Variants in ASB5 observed in about 807,000 individuals in gnomAD.
ASB5 encodes ankyrin repeat and SOCS box protein 5.
A neutral mutation model predicts 42.1 loss-of-function variants in ASB5; 45 were observed. That is an observed-to-expected ratio of 1.07 (90% CI 0.84 to 1.37). ASB5 has a LOEUF of 1.37. Ranked by LOEUF, ASB5 falls within the 40% of genes most tolerant of loss-of-function variation. The pLI, the probability that ASB5 is intolerant of heterozygous loss-of-function variation, is 0.00. For synonymous variants in ASB5, 147 were observed against 150.6 expected, an observed-to-expected ratio of 0.98 and a Z score of 0.18; for missense variants, 402 against 399.8, an observed-to-expected ratio of 1.01 and a Z score of -0.05.
At chr4:176,260,340 G>A (rs1353631296) in intron 1 of ASB5, among the ~76,000 whole-genome samples, 2 of 152,118 alleles carry the variant, frequency 1.3e-5, no homozygotes, top group African/African-American at 4.8e-5. Context: ...CTATAAGACA[G>A]ATTTTTAAAA....
intron 5 of ASB5, among the ~76,000 whole-genome samples, chr4:176,220,586 A>G (rs1416526808): frequency 6.6e-6 from 1 of 152,142 alleles, no homozygotes; most frequent in East Asian, 1.9e-4. Flanking sequence ...TGGGTTAGGA[A>G]TGTTTTTCAG....
chr4:176,264,998 A>C (rs1754328980), intron 1 of ASB5, among the ~76,000 whole-genome samples: 1 of 152,064 alleles, frequency 6.6e-6, no homozygotes, highest in African/African-American at 2.4e-5. Flanking sequence ...TGGTCAACTT[A>C]TTTCAAATCT....
intron 1 of ASB5, chr4:176,241,316 T>C (rs1047875641): frequency 1.5e-6 from 1 of 678,306 alleles, no homozygotes; most frequent in Admixed American, 3.4e-5. Context: ...AATCTTTTTA[T>C]TTCTGAACGT....
chr4:176,235,690 T>A (rs943521346), intron 1 of ASB5, among the ~76,000 whole-genome samples: 1 of 152,136 alleles, frequency 6.6e-6, no homozygotes, highest in Non-Finnish European at 1.5e-5. Context: ...TTTTGACACA[T>A]ACCATCAAAT....
intron 1 of ASB5, among the ~76,000 whole-genome samples, chr4:176,276,162 C>T (rs957293419): frequency 2.6e-5 from 4 of 152,186 alleles, no homozygotes; most frequent in African/African-American, 9.7e-5. Context: ...GTATCTACTT[C>T]ACATGTTGGG....
chr4:176,257,333 C>T (rs11133138), intron 1 of ASB5, among the ~76,000 whole-genome samples: 355 of 152,170 alleles, frequency 2.3e-3, no homozygotes, highest in African/African-American at 8.0e-3. Flanking sequence ...TGACCAAATG[C>T]GCCCAGGAAA....
chr4:176,222,944 A>AT (rs34945087), intron 2 of ASB5, among the ~76,000 whole-genome samples: 77,783 of 151,234 alleles, frequency 0.51, 20,081 homozygotes, highest in East Asian at 0.57. Context: ...GGCCGGGCTA[A>AT]TTTTTTTGTA....
chr4:176,219,182 T>C lies in ASB5; in HGVS notation c.670+1973A>G, dbSNP rs1210446471. Among the ~76,000 whole-genome samples the C allele has an allele frequency of 1.6e-5, 2 of 121,706 alleles. 1 individual carries two copies. The highest frequency in any genetic ancestry group is 6.6e-5 in the African/African-American group (2 of 30,112). The allele number at this position is 121,706 out of a possible 152,430, so 79.8% of individuals were successfully genotyped here. Reference sequence around the variant, plus strand: ...TATGACATATAAATATATATTTGTATGACATATAAATATATATATTTGTAT... The same window carrying C: ...TATGACATATAAATATATATTTGTACGACATATAAATATATATATTTGTAT... On this transcript the variant is annotated intron_variant, in intron 5 of 6. Coordinates refer to ENST00000296525, the MANE Select transcript of ASB5 (RefSeq NM_080874.4).
At chr4:176,228,187 G>A (rs1753431387) in intron 1 of ASB5, among the ~76,000 whole-genome samples, 1 of 152,102 alleles carries the variant, frequency 6.6e-6, no homozygotes, top group Admixed American at 6.6e-5. Flanking sequence ...TAGATAGTCA[G>A]GGAATTTCTA....
chr4:176,229,766 T>C (rs1171979278), intron 1 of ASB5, among the ~76,000 whole-genome samples: 2 of 152,200 alleles, frequency 1.3e-5, no homozygotes, highest in Non-Finnish European at 2.9e-5. Flanking sequence ...AAGTTTAATG[T>C]CATTGTCATT....
intron 6 of ASB5, 90 bp downstream of exon 6, chr4:176,216,728 A>T: frequency 9.2e-7 from 1 of 1,087,504 alleles, no homozygotes; most frequent in Non-Finnish European, 1.3e-6. Context: ...TGCCATTGTT[A>T]CTTTCCATGC....
At chr4:176,231,377 A>C (rs986751233) in intron 1 of ASB5, among the ~76,000 whole-genome samples, 4 of 152,070 alleles carry the variant, frequency 2.6e-5, no homozygotes, top group African/African-American at 9.7e-5. Context: ...TATTTCCAAA[A>C]TTGCTTTTTC....
chr4:176,273,917 T>C (rs1037219407), upstream of ASB5, among the ~76,000 whole-genome samples: 5 of 152,238 alleles, frequency 3.3e-5, no homozygotes, highest in Non-Finnish European at 5.9e-5. Context: ...TTTTTTGTTT[T>C]CTTATAAACC....
intron 1 of ASB5, among the ~76,000 whole-genome samples, chr4:176,252,109 G>T (rs898224432): frequency 6.9e-6 from 1 of 145,640 alleles, no homozygotes; most frequent in African/African-American, 2.5e-5. Context: ...AAAAAGACAC[G>T]CATATAAAAT....
intron 1 of ASB5, among the ~76,000 whole-genome samples, chr4:176,244,505 G>A (rs1018141711): frequency 1.3e-5 from 2 of 152,168 alleles, no homozygotes; most frequent in Non-Finnish European, 2.9e-5. Context: ...CTCACATCTA[G>A]TACAGGGAGG....
At chr4:176,236,138 A>T (rs545521533) in intron 1 of ASB5, among the ~76,000 whole-genome samples, 1 of 151,904 alleles carries the variant, frequency 6.6e-6, no homozygotes, top group African/African-American at 2.4e-5. Context: ...AAGATATGTG[A>T]GACTCATCCA....
chr4:176,272,535 G>A (rs1047143007), upstream of ASB5, among the ~76,000 whole-genome samples: 6 of 152,106 alleles, frequency 3.9e-5, no homozygotes, highest in Non-Finnish European at 8.8e-5. Flanking sequence ...TTTAGGAACT[G>A]CCTCTTTTTC....
intron 1 of ASB5, among the ~76,000 whole-genome samples, chr4:176,245,168 A>C (rs1457944290): frequency 2.6e-5 from 4 of 152,228 alleles, no homozygotes; most frequent in Non-Finnish European, 4.4e-5. Context: ...GCTAATATCC[A>C]GAATCTACAA....
At chr4:176,216,033 C>T (rs1215616243) in intron 6 of ASB5, among the ~76,000 whole-genome samples, 1 of 151,788 alleles carries the variant, frequency 6.6e-6, no homozygotes, top group Non-Finnish European at 1.5e-5. Context: ...ATCAAAAGTC[C>T]TGAGAAGTAT....
Sources: gnomAD v4.1 joint callset for allele counts (sites outside exome capture counted in the v4.1 genomes callset) on GRCh38, gnomAD v4.1.1 for gene constraint, MANE v1.5 for transcripts, NCBI Gene and HGNC (gene_info 2026-07-23, HGNC 2026-07-21) for gene names.